Variants in HERPUD2 observed in about 807,000 individuals in gnomAD.
HERPUD2 encodes the protein homocysteine-responsive endoplasmic reticulum-resident ubiquitin-like domain member 2 protein.
HERPUD2 carries 13 observed loss-of-function variants against 49.9 expected under a neutral mutation model. The observed-to-expected ratio is 0.26, with a 90% confidence interval of 0.17 to 0.41. The LOEUF (loss-of-function observed/expected upper bound fraction) is 0.41, where lower values mean the gene tolerates loss of function less well. Ranked by LOEUF, HERPUD2 falls within the 10% of genes least tolerant of loss-of-function variation. The probability of loss-of-function intolerance (pLI) is 1.00; values close to 1 mark genes in which losing one functional copy is unlikely to be tolerated. For missense variants in HERPUD2, 449 were observed against 492.2 expected (o/e 0.91, Z 0.83); for synonymous variants, 172 against 171.4 (o/e 1.00, Z -0.03).
At chr7:35,638,266 G>T in intron 6 of HERPUD2, 84 bp downstream of exon 6, 3 of 1,325,064 alleles carry the variant, frequency 2.3e-6, no homozygotes, top group Non-Finnish European at 2.1e-6. Context: ...CAAATGAAAT[G>T]CCAAATCAAC....
intron 2 of HERPUD2, among the ~76,000 whole-genome samples, chr7:35,688,188 A>G (rs910666245): frequency 2.6e-5 from 4 of 152,184 alleles, no homozygotes; most frequent in African/African-American, 7.2e-5. Context: ...TGGGAAATGA[A>G]TTCTGTAAAT....
At chr7:35,659,990 T>C (rs1785376185) in intron 5 of HERPUD2, among the ~76,000 whole-genome samples, 1 of 152,162 alleles carries the variant, frequency 6.6e-6, no homozygotes, top group Non-Finnish European at 1.5e-5. Context: ...TAACTCGTCA[T>C]CTACATTAGG....
chr7:35,683,078 AT>A (rs1785950784), intron 2 of HERPUD2, among the ~76,000 whole-genome samples: 1 of 152,188 alleles, frequency 6.6e-6, no homozygotes, highest in African/African-American at 2.4e-5. Context: ...AAATTCTAAA[AT>A]TCATATGGAA....
intron 2 of HERPUD2, among the ~76,000 whole-genome samples, chr7:35,689,121 T>C (rs797005262): frequency 2.3e-4 from 35 of 152,290 alleles, no homozygotes; most frequent in African/African-American, 8.2e-4. Flanking sequence ...TCTACAAAAA[T>C]TCTATCTGGA....
chr7:35,689,013 CACTT>C (rs1329632829), intron 2 of HERPUD2, among the ~76,000 whole-genome samples: 11 of 152,240 alleles, frequency 7.2e-5, no homozygotes, highest in Admixed American at 2.6e-4. Context: ...ACATGGCAAA[CACTT>C]AGTAAATGGC....
chr7:35,686,263 A>G (rs1366059552), intron 2 of HERPUD2, among the ~76,000 whole-genome samples: 1 of 146,862 alleles, frequency 6.8e-6, no homozygotes, highest in Non-Finnish European at 1.5e-5. Context: ...ATCTCAGCTC[A>G]CTACAAACTC....
At chr7:35,672,329 G>T (rs1785661243) in intron 3 of HERPUD2, among the ~76,000 whole-genome samples, 1 of 151,590 alleles carries the variant, frequency 6.6e-6, no homozygotes, top group South Asian at 2.1e-4. Flanking sequence ...TATTTTTGAG[G>T]GAGTGGGTAT....
At chr7:35,676,190 T>A (rs747824072) in intron 2 of HERPUD2, among the ~76,000 whole-genome samples, 111 of 152,326 alleles carry the variant, frequency 7.3e-4, no homozygotes, top group Middle Eastern at 3.4e-3. Context: ...TTTCTATTTT[T>A]AAAAAATTTT....
intron 2 of HERPUD2, among the ~76,000 whole-genome samples, chr7:35,675,226 T>C (rs1171400062): frequency 1.3e-5 from 2 of 152,268 alleles, no homozygotes; most frequent in East Asian, 3.9e-4. Context: ...TGGAGAGAAA[T>C]CCCCACACAT....
intron 6 of HERPUD2, among the ~76,000 whole-genome samples, chr7:35,636,843 G>A (rs905048113): frequency 2.6e-5 from 4 of 152,042 alleles, no homozygotes; most frequent in African/African-American, 7.2e-5. Context: ...AATGTAACCT[G>A]GCAAACCGGG....
chr7:35,670,072 T>A, intron 4 of HERPUD2, 143 bp downstream of exon 4: 1 of 481,512 alleles, frequency 2.1e-6, no homozygotes. Context: ...CTTTACAAAA[T>A]GCCTAACTTT....
chr7:35,678,639 A>G lies in HERPUD2; in HGVS notation c.148-5361T>C, dbSNP rs571626563. Among the ~76,000 whole-genome samples, 4 of 152,324 alleles carry G rather than the reference A, an allele frequency of 2.6e-5. 1 individual carries two copies. The South Asian group carries it at 8.3e-4, about 32-fold the overall frequency. On this transcript the variant is annotated intron_variant, in intron 2 of 8. Coordinates refer to ENST00000311350, the MANE Select transcript of HERPUD2 (RefSeq NM_022373.5). ...TAAAATGACATTTATAAATCACAAAAGGAAATCTTTTAATTAATTTTGCCT... is the reference window on the plus strand; with the variant it reads ...TAAAATGACATTTATAAATCACAAAGGGAAATCTTTTAATTAATTTTGCCT...
chr7:35,693,047 G>A (rs6971426), intron 2 of HERPUD2, among the ~76,000 whole-genome samples: 28,962 of 152,166 alleles, frequency 0.19, 3,247 homozygotes, highest in African/African-American at 0.31. Context: ...TGGAGAATGC[G>A]AAAGCCTCAC....
chr7:35,687,603 A>G (rs1240216483), intron 2 of HERPUD2, among the ~76,000 whole-genome samples: 1 of 152,236 alleles, frequency 6.6e-6, no homozygotes, highest in Non-Finnish European at 1.5e-5. Flanking sequence ...AGACATTGCT[A>G]AAAACCAAGG....
chr7:35,653,356 A>AT lies in HERPUD2; in HGVS notation c.494+14077_494+14078insA, dbSNP rs1366607328. ...GTCATTATATAATGATAAAGGGATC[A>AT]ATTCAACAAAAAGATATAACAATTC... On this transcript the variant is annotated intron_variant, in intron 5 of 8. Transcript: ENST00000311350. 1.4e-4 allele frequency among the ~76,000 whole-genome samples: 22 copies of AT among 152,332 alleles called. No individual in the cohort carries two copies. In the South Asian group the frequency reaches 4.1e-3, roughly 29 times the overall value.
intron 2 of HERPUD2, among the ~76,000 whole-genome samples, chr7:35,686,237 G>A (rs1488082202): frequency 6.7e-6 from 1 of 150,190 alleles, no homozygotes; most frequent in Admixed American, 6.6e-5. Context: ...CGCCCAGGCT[G>A]GAGTGCAGTG....
chr7:35,660,517 C>T lies in HERPUD2; in HGVS notation c.494+6917G>A, dbSNP rs573111966. Among the ~76,000 whole-genome samples the T allele has an allele frequency of 7.0e-4, 107 of 152,318 alleles. 1 individual carries two copies. Among genetic ancestry groups the T allele is most frequent in the Admixed American group, 3.8e-3 (58 of 15,308 alleles). Reference sequence around the variant, plus strand: ...CAACAGTGTAAAAGCATTCCTATTTCTCCACATCCTCTCCAGCACCTGTTG... The same window carrying T: ...CAACAGTGTAAAAGCATTCCTATTTTTCCACATCCTCTCCAGCACCTGTTG... On this transcript the variant is annotated intron_variant, in intron 5 of 8. Transcript: ENST00000311350.
chr7:35,671,736 G>C (rs1304430551), intron 3 of HERPUD2, among the ~76,000 whole-genome samples: 5 of 151,924 alleles, frequency 3.3e-5, no homozygotes, highest in African/African-American at 1.2e-4. Context: ...TTTTATATAG[G>C]GGCACAAGAG....
chr7:35,635,085 C>T, intron 7 of HERPUD2, 50 bp downstream of exon 7: 2 of 1,370,472 alleles, frequency 1.5e-6, no homozygotes, highest in Non-Finnish European at 2.1e-6. Context: ...AGATTCTGTG[C>T]TGAACAGTTG....
Sources: allele counts gnomAD v4.1 joint callset (sites outside exome capture counted in the v4.1 genomes callset), GRCh38; gene constraint gnomAD v4.1.1; transcripts MANE v1.5; gene names NCBI Gene and HGNC (gene_info 2026-07-23, HGNC 2026-07-21).